Variants in SLCO1A2 observed in about 807,000 individuals in gnomAD.
SLCO1A2 encodes solute carrier organic anion transporter family member 1A2, also known as OATP-1.
Under a neutral mutation model 69.0 loss-of-function variants are expected in SLCO1A2, and 67 were observed. The observed-to-expected ratio is 0.97, with a 90% CI of 0.80 to 1.19. The LOEUF is 1.19. SLCO1A2 is among the 50% of genes most tolerant of loss of function. The pLI is 0.00. For synonymous variants in SLCO1A2, 260 were observed against 265.9 expected (o/e 0.98, Z 0.22); for missense variants, 787 against 793.7 (o/e 0.99, Z 0.10).
rs777190986 is a variant in SLCO1A2, at chr12:21,292,255, AAC to A, written c.1517_1518del (p.Cys506PhefsTer36). Reference sequence around the variant, plus strand: ...ATTAGGAAGTACTGGAGCATCAAGGAACAGTCAGGTCCTTTGTCGCACAGCCC... The same window carrying A: ...ATTAGGAAGTACTGGAGCATCAAGGAAGTCAGGTCCTTTGTCGCACAGCCC... Reference protein sequence around the residue: ...VLGLCDKGPDCSLMLQYFLIL... With the variant: ...VLGLCDKGPDXSLMLQYFLIL... On this transcript the variant is annotated frameshift_variant, in exon 12 of 15. Coordinates refer to ENST00000683939, the MANE Select transcript of SLCO1A2 (RefSeq NM_001386879.1). LOFTEE classifies it high-confidence loss of function. 201 of 1,613,186 alleles carry A rather than the reference AAC, an allele frequency of 1.2e-4. No homozygotes were observed. The highest frequency in any genetic ancestry group is 1.6e-4 in the Non-Finnish European group (192 of 1,179,422).
intron 12 of SLCO1A2, among the ~76,000 whole-genome samples, chr12:21,279,519 G>C (rs1234238198): frequency 6.6e-6 from 1 of 152,198 alleles, no homozygotes; most frequent in Admixed American, 6.5e-5. Flanking sequence ...CTTTTCGGTG[G>C]AAACCTTACA....
chr12:21,360,834 G>T (rs905460374), intron 2 of SLCO1A2, among the ~76,000 whole-genome samples: 11 of 152,210 alleles, frequency 7.2e-5, no homozygotes, highest in African/African-American at 2.7e-4. Flanking sequence ...CAGCAAGGCT[G>T]GGGGAGGGGC....
chr12:21,315,718 T>C (rs1950789408), intron 3 of SLCO1A2, among the ~76,000 whole-genome samples: 1 of 152,228 alleles, frequency 6.6e-6, no homozygotes, highest in Non-Finnish European at 1.5e-5. Flanking sequence ...ATCAGCCACA[T>C]TGACCTCTCT....
At chr12:21,402,588 C>T (rs1941742257) in intron 1 of SLCO1A2, among the ~76,000 whole-genome samples, 1 of 152,012 alleles carries the variant, frequency 6.6e-6, no homozygotes, top group Non-Finnish European at 1.5e-5. Flanking sequence ...TGGCATTCCA[C>T]TTTTGGAAAT....
At chr12:21,368,056 G>A (rs181294182) in intron 2 of SLCO1A2, among the ~76,000 whole-genome samples, 37 of 152,252 alleles carry the variant, frequency 2.4e-4, no homozygotes, top group Non-Finnish European at 5.0e-4. Context: ...GCTAAAACCA[G>A]TAAATGAAAG....
rs931721958 is a variant in SLCO1A2, at chr12:21,269,720, A to G, written c.1841T>C (p.Val614Ala). The change falls in exon 15 of 15, where the codon GTT becomes GCT. Residue 614 changes from valine (V) to alanine (A), a missense_variant. Coordinates refer to ENST00000683939, the MANE Select transcript of SLCO1A2 (RefSeq NM_001386879.1). ...AAGAATTAAGATGATTAAGGCTGGA[A>G]CAAAGCTTGATCCTCTTAGTGCTGC... ...LPAALRGSSF[V>A]PALIILILLR... The G allele has an allele frequency of 3.1e-6, 5 of 1,612,556 alleles. No individual in the cohort carries two copies. Among genetic ancestry groups the G allele is most frequent in the Non-Finnish European group, 3.4e-6 (4 of 1,178,926 alleles).
intron 12 of SLCO1A2, among the ~76,000 whole-genome samples, chr12:21,289,146 T>C (rs1946422970): frequency 6.6e-6 from 1 of 151,898 alleles, no homozygotes. Flanking sequence ...GATGGATATA[T>C]ATGTATATTG....
chr12:21,372,378 G>A (rs1939863985), intron 2 of SLCO1A2, among the ~76,000 whole-genome samples: 1 of 152,066 alleles, frequency 6.6e-6, no homozygotes, highest in Non-Finnish European at 1.5e-5. Flanking sequence ...CACAGAGTAG[G>A]TCTTCCATTA....
intron 2 of SLCO1A2, among the ~76,000 whole-genome samples, chr12:21,326,559 A>C (rs1473521713): frequency 6.6e-6 from 1 of 152,204 alleles, no homozygotes; most frequent in South Asian, 2.1e-4. Flanking sequence ...TATGGACAAT[A>C]AAGTCCAGAC....
chr12:21,318,189 G>A (rs1951124082), intron 3 of SLCO1A2, among the ~76,000 whole-genome samples: 1 of 150,740 alleles, frequency 6.6e-6, no homozygotes, highest in South Asian at 2.1e-4. Context: ...GGCAATCTCA[G>A]CTCACTGCAA....
chr12:21,308,705 T>C (rs113449898), intron 4 of SLCO1A2, among the ~76,000 whole-genome samples: 2,334 of 152,324 alleles, frequency 0.015, 54 homozygotes, highest in African/African-American at 0.053. Flanking sequence ...AAGGAACAGA[T>C]TGAAGAATTC....
chr12:21,290,272 T>A (rs367639758), intron 12 of SLCO1A2, among the ~76,000 whole-genome samples: 3 of 151,988 alleles, frequency 2.0e-5, no homozygotes, highest in East Asian at 3.9e-4. Context: ...CCAAGTAATC[T>A]ATGGAATCTA....
At chr12:21,356,523 GA>G (rs1938377660) in intron 2 of SLCO1A2, among the ~76,000 whole-genome samples, 1 of 134,906 alleles carries the variant, frequency 7.4e-6, no homozygotes, top group East Asian at 2.3e-4. Context: ...AGAGAGGTAA[GA>G]AAAAAATGAG....
At chr12:21,275,072 T>C (rs1943546452) in intron 13 of SLCO1A2, 9 of 1,032,162 alleles carry the variant, frequency 8.7e-6, no homozygotes, top group Non-Finnish European at 1.0e-5. Context: ...TGAAATAATA[T>C]TACCTTGTTT....
chr12:21,324,479 T>C (rs1952045630), intron 2 of SLCO1A2: 1 of 152,216 alleles, frequency 6.6e-6, no homozygotes, highest in African/African-American at 2.4e-5. Flanking sequence ...AAATATGTTA[T>C]TCTAGTCAAA....
intron 2 of SLCO1A2, among the ~76,000 whole-genome samples, chr12:21,362,310 G>A (rs529003115): frequency 6.6e-5 from 10 of 152,026 alleles, no homozygotes; most frequent in Non-Finnish European, 7.4e-5. Flanking sequence ...AGCTTCATAC[G>A]TGATGGAGAA....
chr12:21,274,587 C>T lies in SLCO1A2; in HGVS notation c.1676-1G>A. ...AAATATATAGGTGCAGGAATGCCAG[C>T]TACAATTGACAGGGAAAGAAAAATC... On this transcript the variant is annotated splice_acceptor_variant, in intron 13 of 14. Transcript: ENST00000683939. LOFTEE classifies it high-confidence loss of function. The T allele has an allele frequency of 6.4e-7, 1 of 1,565,208 alleles. No homozygotes were observed. The highest frequency in any genetic ancestry group is 8.8e-7 in the Non-Finnish European group (1 of 1,137,280).
In SLCO1A2 at chr12:21,334,722, CAA is replaced by C; in HGVS notation, c.-62-15_-62-14del. ...TCTTACTTCTACCCTTTCAAGCAAA[CAA>C]AAAAATATGTTAAATTAACTACAAA... On this transcript the variant is annotated splice_polypyrimidine_tract_variant and intron_variant, in intron 1 of 14. Transcript: ENST00000683939. 1 of 1,182,382 alleles carries C rather than the reference CAA, an allele frequency of 8.5e-7. No individual in the cohort carries two copies. The highest frequency in any genetic ancestry group is 1.4e-5 in the South Asian group (1 of 69,354). 73.2% of individuals were successfully genotyped at this position (1,182,382 alleles called of 1,614,324 possible). A position where few individuals can be genotyped will look rare whatever the true frequency, so the allele number is the denominator to read the frequency against.
intron 4 of SLCO1A2, among the ~76,000 whole-genome samples, chr12:21,308,496 G>T (rs149313999): frequency 1.6e-3 from 238 of 152,190 alleles, no homozygotes; most frequent in African/African-American, 5.3e-3. Flanking sequence ...GTTTGTTTAA[G>T]AAACATTCAA....
Sources: gnomAD v4.1 joint callset for allele counts (sites outside exome capture counted in the v4.1 genomes callset) on GRCh38, gnomAD v4.1.1 for gene constraint, MANE v1.5 for transcripts, NCBI Gene and HGNC (gene_info 2026-07-23, HGNC 2026-07-21) for gene names.